Variants in PXDNL observed in about 807,000 individuals in gnomAD.
The protein encoded by PXDNL is probable oxidoreductase PXDNL.
Under a neutral mutation model 150.8 loss-of-function variants are expected in PXDNL, and 145 were observed. The observed-to-expected ratio is 0.96, with a 90% CI of 0.84 to 1.10. The LOEUF (loss-of-function observed/expected upper bound fraction) is 1.10, where lower values mean the gene tolerates loss of function less well. PXDNL is among the 50% of genes least tolerant of loss of function. The probability of loss-of-function intolerance (pLI) is 0.00; values close to 1 mark genes in which losing one functional copy is unlikely to be tolerated. For synonymous variants in PXDNL, 757 were observed against 725.7 expected, an observed-to-expected ratio of 1.04 and a Z score of -0.69; for missense variants, 2,087 against 1,873.9, an observed-to-expected ratio of 1.11 and a Z score of -2.10.
chr8:51,732,473 C>T (rs572979935), intron 1 of PXDNL, among the ~76,000 whole-genome samples: 15 of 152,190 alleles, frequency 9.9e-5, no homozygotes, highest in Non-Finnish European at 1.5e-4. Flanking sequence ...TTCCTCTCTT[C>T]TTCTGAGCCC....
chr8:51,338,276 A>G (rs1319125069), intron 21 of PXDNL, among the ~76,000 whole-genome samples: 4 of 152,098 alleles, frequency 2.6e-5, no homozygotes, highest in African/African-American at 9.7e-5. Context: ...ACTGATACAG[A>G]CCACAGCTGC....
intron 4 of PXDNL, among the ~76,000 whole-genome samples, chr8:51,533,567 C>T (rs1202717830): frequency 3.5e-5 from 5 of 144,388 alleles, no homozygotes; most frequent in Admixed American, 6.8e-5. Context: ...GGTACTGCTG[C>T]CATCTCGGCT....
chr8:51,743,773 C>G (rs1022383893), intron 1 of PXDNL, among the ~76,000 whole-genome samples: 3 of 152,016 alleles, frequency 2.0e-5, no homozygotes, highest in Non-Finnish European at 4.4e-5. Flanking sequence ...GCCTTGGCCT[C>G]CCAAAATGCT....
At chr8:51,551,626 G>A (rs1301446502) in intron 4 of PXDNL, among the ~76,000 whole-genome samples, 1 of 152,164 alleles carries the variant, frequency 6.6e-6, no homozygotes, top group East Asian at 1.9e-4. Context: ...AAAGCCACAT[G>A]CAGAAGAATC....
intron 2 of PXDNL, among the ~76,000 whole-genome samples, chr8:51,613,382 G>A (rs937129545): frequency 4.0e-5 from 6 of 148,626 alleles, no homozygotes; most frequent in South Asian, 2.1e-4. Flanking sequence ...CAATTTGAGC[G>A]TCACTTGATG....
At chr8:51,574,794 A>G (rs1813015158) in intron 3 of PXDNL, among the ~76,000 whole-genome samples, 1 of 152,034 alleles carries the variant, frequency 6.6e-6, no homozygotes, top group Admixed American at 6.6e-5. Context: ...TCAACCCAGA[A>G]TCCTATATCT....
At chr8:51,658,298 C>A (rs1236304570) in intron 1 of PXDNL, among the ~76,000 whole-genome samples, 2 of 138,114 alleles carry the variant, frequency 1.4e-5, no homozygotes, top group African/African-American at 5.4e-5. Context: ...GCCGTGATCA[C>A]ACCACTGCAC....
chr8:51,499,047 G>A (rs1459822494), intron 5 of PXDNL, among the ~76,000 whole-genome samples: 1 of 152,130 alleles, frequency 6.6e-6, no homozygotes, highest in Non-Finnish European at 1.5e-5. Context: ...GTGAATTTCT[G>A]CTGTGCATGT....
At chr8:51,452,368 G>A (rs1204134231) in intron 10 of PXDNL, among the ~76,000 whole-genome samples, 1 of 152,162 alleles carries the variant, frequency 6.6e-6, no homozygotes, top group Non-Finnish European at 1.5e-5. Context: ...CTTCTTATTA[G>A]AGCAAGGAAA....
At chr8:51,433,096 C>T (rs984732539) in intron 12 of PXDNL, among the ~76,000 whole-genome samples, 1 of 151,982 alleles carries the variant, frequency 6.6e-6, no homozygotes, top group Non-Finnish European at 1.5e-5. Flanking sequence ...GTAGTCCCAG[C>T]TACTGAGGAA....
At chr8:51,398,011 A>G (rs1418657466) in intron 17 of PXDNL, among the ~76,000 whole-genome samples, 1 of 152,182 alleles carries the variant, frequency 6.6e-6, no homozygotes, top group African/African-American at 2.4e-5. Context: ...GGGGAAAAAT[A>G]TAATTTAGAA....
intron 1 of PXDNL, among the ~76,000 whole-genome samples, chr8:51,717,432 G>C (rs986790153): frequency 2.0e-5 from 3 of 152,198 alleles, no homozygotes; most frequent in African/African-American, 7.2e-5. Flanking sequence ...TCTTCCAAAT[G>C]CTTCTCAGAA....
chr8:51,740,459 G>C (rs2036891752), intron 1 of PXDNL, among the ~76,000 whole-genome samples: 1 of 152,198 alleles, frequency 6.6e-6, no homozygotes, highest in African/African-American at 2.4e-5. Context: ...TAGTGTAAAA[G>C]AGTTCCTATT....
chr8:51,653,235 T>C (rs1585650830), intron 2 of PXDNL, among the ~76,000 whole-genome samples: 1 of 152,030 alleles, frequency 6.6e-6, no homozygotes, highest in South Asian at 2.1e-4. Context: ...CTGGCCAACA[T>C]GGCAAAACCC....
intron 9 of PXDNL, 104 bp from the exon 10 acceptor site, chr8:51,453,889 T>A: frequency 8.3e-7 from 1 of 1,206,730 alleles, no homozygotes; most frequent in East Asian, 2.4e-5. Context: ...TCAAAATTCC[T>A]TTAAACTAAA....
intron 2 of PXDNL, among the ~76,000 whole-genome samples, chr8:51,654,320 T>C (rs1365233840): frequency 6.6e-6 from 1 of 152,264 alleles, no homozygotes; most frequent in Admixed American, 6.5e-5. Context: ...CCTAGTAGCA[T>C]ACTGAGTAGA....
At chr8:51,684,480 A>G (rs1797642441) in intron 1 of PXDNL, among the ~76,000 whole-genome samples, 3 of 152,142 alleles carry the variant, frequency 2.0e-5, no homozygotes. Flanking sequence ...ACCCAACTCC[A>G]TTTTACACAC....
chr8:51,700,880 ATATACATACACAATATACTCC>A (rs1313541369), intron 1 of PXDNL, among the ~76,000 whole-genome samples: 1 of 151,834 alleles, frequency 6.6e-6, no homozygotes, highest in Non-Finnish European at 1.5e-5. Context: ...ACACACACTC[ATATACATACACAATATACTCC>A]TATACATACA....
intron 2 of PXDNL, among the ~76,000 whole-genome samples, chr8:51,595,034 C>CA (rs1813534119): frequency 6.6e-6 from 1 of 151,784 alleles, no homozygotes; most frequent in Admixed American, 6.6e-5. Context: ...CAAAACAAAA[C>CA]AAAAAAGAGG....
Sources: gnomAD v4.1 joint callset for allele counts (sites outside exome capture counted in the v4.1 genomes callset) on GRCh38, gnomAD v4.1.1 for gene constraint, MANE v1.5 for transcripts, NCBI Gene and HGNC (gene_info 2026-07-23, HGNC 2026-07-21) for gene names.